The following PHB1 variants were observed in gnomAD, a reference collection of about 807,000 sequenced individuals.
PHB1 encodes the protein epididymis luminal protein 215.
the PHB1 span, among the ~76,000 whole-genome samples, chr17:49,405,675 G>A: frequency 1.3e-5 from 2 of 152,054 alleles, no homozygotes; most frequent in African/African-American, 2.4e-5. Context: ...TTTGGGAGGC[G>A]GAGGCAGGAG....
At chr17:49,411,955 T>A in the PHB1 span, 1 of 906,746 alleles carries the variant, frequency 1.1e-6, no homozygotes, top group Non-Finnish European at 1.6e-6. Context: ...TCCCCTCTTC[T>A]CTCTGTCTTC....
the PHB1 span, chr17:49,409,095 C>T: frequency 2.5e-6 from 4 of 1,613,332 alleles, no homozygotes; most frequent in Admixed American, 3.3e-5. Flanking sequence ...TCTGTAAGGT[C>T]GTCGCTCACC....
chr17:49,405,055 T>C, the PHB1 span: 2 of 1,591,842 alleles, frequency 1.3e-6, no homozygotes, highest in Non-Finnish European at 1.7e-6. Flanking sequence ...TCCGAGAGCG[T>C]GAGAGCTGGT....
chr17:49,414,809 GC>G, the PHB1 span: 2 of 152,358 alleles, frequency 1.3e-5, no homozygotes, highest in Admixed American at 1.3e-4. Flanking sequence ...CCAGAAACGA[GC>G]CTTTGCCGCC....
chr17:49,404,360 A>C, the PHB1 span: 2 of 154,152 alleles, frequency 1.3e-5, no homozygotes, highest in Non-Finnish European at 2.9e-5. Context: ...CCTGGGGGGC[A>C]ACAGTCAGGC....
the PHB1 span, chr17:49,409,553 T>G: frequency 3.2e-6 from 3 of 936,152 alleles, no homozygotes; most frequent in Non-Finnish European, 1.5e-6. Context: ...GTTTTTTTTT[T>G]TTTTTGAGAC....
chr17:49,409,337 T>G, the PHB1 span: 1 of 1,614,160 alleles, frequency 6.2e-7, no homozygotes, highest in East Asian at 2.2e-5. Context: ...TCACCACCAC[T>G]GACTTGAGGA....
the PHB1 span, chr17:49,411,805 T>G: frequency 6.2e-7 from 1 of 1,614,152 alleles, no homozygotes; most frequent in Non-Finnish European, 8.5e-7. Context: ...CTCCACGGAA[T>G]CGGTCAAAGA....
the PHB1 span, among the ~76,000 whole-genome samples, chr17:49,410,264 C>T: frequency 1.3e-5 from 2 of 152,186 alleles, no homozygotes; most frequent in Admixed American, 1.3e-4. Flanking sequence ...AGCATTTCTC[C>T]TGCCTCAGCC....
chr17:49,404,945 G>C, the PHB1 span: 2 of 1,263,316 alleles, frequency 1.6e-6, no homozygotes, highest in Non-Finnish European at 2.3e-6. Context: ...AAGAATCATC[G>C]GGGCTGTGGC....
the PHB1 span, chr17:49,405,121 A>C: frequency 6.2e-7 from 1 of 1,613,940 alleles, no homozygotes; most frequent in Non-Finnish European, 8.5e-7. Flanking sequence ...CATCCCCTGC[A>C]GTGGCCAGTG....
the PHB1 span, chr17:49,412,147 A>G: frequency 3.8e-6 from 1 of 265,438 alleles, no homozygotes; most frequent in Non-Finnish European, 7.1e-6. Context: ...ACATATTTCC[A>G]GGAATCATCT....
the PHB1 span, chr17:49,405,237 C>G: frequency 3.2e-6 from 5 of 1,574,184 alleles, no homozygotes; most frequent in South Asian, 5.6e-5. Context: ...AAAGATCAAA[C>G]CTCAGGGCAC....
At chr17:49,405,005 T>C in the PHB1 span, 2 of 1,554,136 alleles carry the variant, frequency 1.3e-6, no homozygotes, top group Non-Finnish European at 8.7e-7. Context: ...CTGGGGCAGC[T>C]GGAGGAGCAC....
At chr17:49,405,006 G>A in the PHB1 span, 9 of 1,554,346 alleles carry the variant, frequency 5.8e-6, no homozygotes, top group Non-Finnish European at 7.8e-6. Flanking sequence ...TGGGGCAGCT[G>A]GAGGAGCACG....
chr17:49,409,310 T>C, the PHB1 span: 1 of 1,614,012 alleles, frequency 6.2e-7, no homozygotes, highest in Non-Finnish European at 8.5e-7. Context: ...GGCTCGAGGC[T>C]AAAGGCCCCT....
the PHB1 span, chr17:49,407,028 C>T: frequency 1.6e-6 from 1 of 625,120 alleles, no homozygotes; most frequent in Non-Finnish European, 2.9e-6. Flanking sequence ...GAGTTTACAC[C>T]CAGACTCTCT....
chr17:49,413,515 T>C, the PHB1 span, among the ~76,000 whole-genome samples: 2 of 150,778 alleles, frequency 1.3e-5, no homozygotes, highest in African/African-American at 4.9e-5. Context: ...TTCTTTCCTT[T>C]TTTTTTTTTT....
At chr17:49,414,880 T>A in the PHB1 span, 1 of 152,352 alleles carries the variant, frequency 6.6e-6, no homozygotes, top group African/African-American at 2.4e-5. Flanking sequence ...CCACACATAC[T>A]GCGCATGAGC....
Sources: allele counts gnomAD v4.1 joint callset (sites outside exome capture counted in the v4.1 genomes callset), GRCh38; gene constraint gnomAD v4.1.1; transcripts MANE v1.5; gene names NCBI Gene and HGNC (gene_info 2026-07-23, HGNC 2026-07-21).